PPM1H: variants seen among roughly 807,000 people sequenced by gnomAD.
PPM1H encodes the protein protein phosphatase, Mg2+/Mn2+ dependent 1H.
Under a neutral mutation model 54.9 loss-of-function variants are expected in PPM1H, and 27 were observed. The observed-to-expected ratio is 0.49, with a 90% confidence interval of 0.36 to 0.68. PPM1H has a LOEUF of 0.68. Ranked by LOEUF, PPM1H falls within the 30% of genes least tolerant of loss-of-function variation. The probability of loss-of-function intolerance (pLI) is 0.00; values close to 1 mark genes in which losing one functional copy is unlikely to be tolerated. For synonymous variants in PPM1H, 305 were observed against 270.8 expected (o/e 1.13, Z -1.24); for missense variants, 596 against 667.8 (o/e 0.89, Z 1.19).
At chr12:62,834,199 T>G (rs912241818) in intron 1 of PPM1H, among the ~76,000 whole-genome samples, 3 of 152,180 alleles carry the variant, frequency 2.0e-5, no homozygotes, top group African/African-American at 7.2e-5. Flanking sequence ...CGGGGGCTTA[T>G]CACACACTCT....
intron 9 of PPM1H, among the ~76,000 whole-genome samples, chr12:62,650,202 T>C (rs1479691323): frequency 6.6e-6 from 1 of 152,230 alleles, no homozygotes; most frequent in African/African-American, 2.4e-5. Context: ...AGTTGTTCAG[T>C]CTTTGAGGAT....
intron 1 of PPM1H, among the ~76,000 whole-genome samples, chr12:62,852,504 T>C (rs138842080): frequency 1.1e-3 from 160 of 152,326 alleles, no homozygotes; most frequent in African/African-American, 3.8e-3. Flanking sequence ...CAGTCTGCGA[T>C]ACTTTGTTAC....
intron 9 of PPM1H, among the ~76,000 whole-genome samples, chr12:62,658,036 G>A (rs1469122470): frequency 2.2e-5 from 3 of 137,080 alleles, no homozygotes; most frequent in Non-Finnish European, 4.6e-5. Flanking sequence ...GGGAGACAGA[G>A]GGTCATTAAA....
chr12:62,837,887 A>G (rs1868551425), intron 1 of PPM1H, among the ~76,000 whole-genome samples: 1 of 152,218 alleles, frequency 6.6e-6, no homozygotes, highest in Non-Finnish European at 1.5e-5. Flanking sequence ...CCTCAGGAAC[A>G]CATGGCCAGA....
At chr12:62,728,740 A>G (rs1257809858) in intron 5 of PPM1H, among the ~76,000 whole-genome samples, 2 of 152,058 alleles carry the variant, frequency 1.3e-5, no homozygotes, top group Non-Finnish European at 2.9e-5. Context: ...CAGGGCAAGG[A>G]AAAAAGGGTA....
chr12:62,776,182 G>A (rs2076609958), intron 4 of PPM1H, among the ~76,000 whole-genome samples: 1 of 152,134 alleles, frequency 6.6e-6, no homozygotes, highest in Admixed American at 6.5e-5. Flanking sequence ...AATTCAAGAT[G>A]AGATTTGGGT....
intron 1 of PPM1H, among the ~76,000 whole-genome samples, chr12:62,867,206 T>C (rs1869806552): frequency 6.6e-6 from 1 of 152,202 alleles, no homozygotes; most frequent in African/African-American, 2.4e-5. Flanking sequence ...GCTGACACTT[T>C]CATCTGTCTG....
chr12:62,805,490 A>C (rs1592608608), intron 2 of PPM1H, among the ~76,000 whole-genome samples: 1 of 152,228 alleles, frequency 6.6e-6, no homozygotes, highest in East Asian at 1.9e-4. Flanking sequence ...GGTGTATATT[A>C]TTTACATACA....
At chr12:62,654,960 G>A (rs148954118) in intron 9 of PPM1H, among the ~76,000 whole-genome samples, 1,852 of 152,198 alleles carry the variant, frequency 0.012, 23 homozygotes, top group Middle Eastern at 0.017. Flanking sequence ...GCTTCTCTCC[G>A]CCGGCTTCTC....
chr12:62,798,543 C>A (rs1283165649), intron 3 of PPM1H, among the ~76,000 whole-genome samples: 2 of 151,968 alleles, frequency 1.3e-5, no homozygotes, highest in African/African-American at 4.8e-5. Context: ...GGGACCTAGA[C>A]AGACAATCTG....
chr12:62,806,066 T>C (rs1294794829), intron 2 of PPM1H, among the ~76,000 whole-genome samples: 1 of 152,034 alleles, frequency 6.6e-6, no homozygotes, highest in Non-Finnish European at 1.5e-5. Flanking sequence ...GAAAAATAAA[T>C]ATTTGGGATC....
chr12:62,755,814 G>T, intron 4 of PPM1H: 1 of 882,940 alleles, frequency 1.1e-6, no homozygotes, highest in Non-Finnish European at 1.9e-6. Context: ...GGGAAACTGT[G>T]GTGTGACAGC....
At chr12:62,903,735 G>A (rs1246641985) in intron 1 of PPM1H, among the ~76,000 whole-genome samples, 3 of 152,076 alleles carry the variant, frequency 2.0e-5, no homozygotes, top group Admixed American at 6.5e-5. Flanking sequence ...ATGGGGTGGG[G>A]GAGTGGGGTG....
intron 4 of PPM1H, chr12:62,756,143 C>G (rs2076472950): frequency 1.2e-6 from 1 of 843,624 alleles, no homozygotes; most frequent in Non-Finnish European, 2.0e-6. Flanking sequence ...TCAACGACCA[C>G]TTTGTCAAGC....
intron 8 of PPM1H, among the ~76,000 whole-genome samples, chr12:62,683,051 ATTATTAT>A (rs1157365134): frequency 7.5e-6 from 1 of 132,858 alleles, no homozygotes; most frequent in South Asian, 2.2e-4. Context: ...TATTATTATT[ATTATTAT>A]TATTATTATT....
chr12:62,834,931 C>T (rs896080371), intron 1 of PPM1H, among the ~76,000 whole-genome samples: 2 of 152,082 alleles, frequency 1.3e-5, no homozygotes, highest in East Asian at 3.9e-4. Flanking sequence ...TGCGCCTTCC[C>T]TGGGGAAAGC....
intron 1 of PPM1H, among the ~76,000 whole-genome samples, chr12:62,866,545 CACGGCA>C (rs1397493270): frequency 6.6e-5 from 10 of 152,120 alleles, no homozygotes; most frequent in African/African-American, 2.4e-4. Flanking sequence ...CATGAGGGCA[CACGGCA>C]AAGAACTGAG....
At chr12:62,776,331 A>T (rs2076611088) in intron 4 of PPM1H, among the ~76,000 whole-genome samples, 1 of 151,856 alleles carries the variant, frequency 6.6e-6, no homozygotes, top group African/African-American at 2.4e-5. Context: ...ACTGCAACCC[A>T]CCCCTGACTA....
intron 1 of PPM1H, among the ~76,000 whole-genome samples, chr12:62,894,217 A>G (rs1255581317): frequency 6.6e-6 from 1 of 152,210 alleles, no homozygotes; most frequent in Admixed American, 6.5e-5. Flanking sequence ...AAACTCAGCA[A>G]TAGATGACGG....
Sources: allele counts gnomAD v4.1 joint callset (sites outside exome capture counted in the v4.1 genomes callset), GRCh38; gene constraint gnomAD v4.1.1; transcripts MANE v1.5; gene names NCBI Gene and HGNC (gene_info 2026-07-23, HGNC 2026-07-21).